Variants in HNRNPM observed in about 807,000 individuals in gnomAD.
The protein encoded by HNRNPM is CEA receptor.
A neutral mutation model predicts 73.1 loss-of-function variants in HNRNPM; 11 were observed. That is an observed-to-expected ratio of 0.15 (90% CI 0.09 to 0.25). The LOEUF is 0.25. Ranked by LOEUF, HNRNPM falls within the 10% of genes least tolerant of loss-of-function variation. The pLI is 1.00. For synonymous variants in HNRNPM, 407 were observed against 355.2 expected (o/e 1.15, Z -1.64); for missense variants, 789 against 1,067.9 (o/e 0.74, Z 3.64).
In HNRNPM at chr19:8,466,359, A is replaced by C. The variant is rs1969743326; in HGVS notation, c.755A>C (p.Glu252Ala). 1 of 1,614,032 alleles carries C rather than the reference A, an allele frequency of 6.2e-7. No individual in the cohort carries two copies. Among genetic ancestry groups the C allele is most frequent in the Non-Finnish European group, 8.5e-7 (1 of 1,180,008 alleles). ...CGTGGAATAGGCACTGTTACTTTTGAACAGTCCATTGAAGCTGTGCAAGCT... is the reference window on the plus strand; with the variant it reads ...CGTGGAATAGGCACTGTTACTTTTGCACAGTCCATTGAAGCTGTGCAAGCT... Reference protein sequence around the residue: ...KSRGIGTVTFEQSIEAVQAIS... With the variant: ...KSRGIGTVTFAQSIEAVQAIS... Residue 252 changes from glutamate to alanine, a missense_variant, in exon 7 of 16, where the codon GAA becomes GCA. Physicochemically the swap from Glu to Ala is moderately radical, Grantham distance 107. Transcript: ENST00000325495.
At chr19:8,458,391 A>G (rs528342617) in intron 2 of HNRNPM, among the ~76,000 whole-genome samples, 3 of 152,332 alleles carry the variant, frequency 2.0e-5, no homozygotes, top group Non-Finnish European at 4.4e-5. Flanking sequence ...GACTGGGTGG[A>G]AAAAATAAAG....
In HNRNPM at chr19:8,463,594, G is replaced by A. The variant is rs1177841893; in HGVS notation, c.346G>A (p.Val116Ile). 6.2e-7 allele frequency: 1 copy of A among 1,613,718 alleles called. No individual in the cohort carries two copies. ...ACTCGTTTCCTTTTGACTCTATAGT[G>A]TTGTTGAATTCAAGATGGAAGAGAG... The part of the protein sequence containing the change: ...DAEGKSRGCA[V>I]VEFKMEESMK... The change falls in exon 5 of 16, where the codon GTT becomes ATT. Residue 116 changes from valine (V) to isoleucine (I), a missense_variant and splice_region_variant. Coordinates refer to ENST00000325495, the MANE Select transcript of HNRNPM (RefSeq NM_005968.5).
chr19:8,447,515 A>C (rs1968287031), intron 1 of HNRNPM, among the ~76,000 whole-genome samples: 1 of 151,890 alleles, frequency 6.6e-6, no homozygotes, highest in Non-Finnish European at 1.5e-5. Flanking sequence ...GTGGAAGTGG[A>C]GGAGAAGAAG....
intron 12 of HNRNPM, among the ~76,000 whole-genome samples, chr19:8,480,195 G>A (rs1970811432): frequency 6.8e-6 from 1 of 147,944 alleles, no homozygotes; most frequent in Non-Finnish European, 1.5e-5. Context: ...GGCCAATGTG[G>A]TGAAACCCCG....
chr19:8,445,842 T>A (rs1467544852), intron 1 of HNRNPM, among the ~76,000 whole-genome samples: 1 of 152,236 alleles, frequency 6.6e-6, no homozygotes, highest in African/African-American at 2.4e-5. Context: ...AGCAGACAGA[T>A]ACGAAGTCGG....
rs1312663938 is a variant in HNRNPM at position 8,445,129 on chromosome 19, C to T, written c.113+18C>T. 2.2e-6 allele frequency: 3 copies of T among 1,386,100 alleles called. No homozygotes were observed. Among genetic ancestry groups the T allele is most frequent in the Non-Finnish European group, 2.8e-6 (3 of 1,066,770 alleles). 85.9% of individuals were successfully genotyped at this position (1,386,100 alleles called of 1,614,324 possible). On this transcript the variant is annotated intron_variant, in intron 1 of 15. Coordinates refer to ENST00000325495, the MANE Select transcript of HNRNPM (RefSeq NM_005968.5). The stretch of plus-strand genomic sequence containing the variant: ...CCTAAGGGGTGAGTATCCCACGGTC[C>T]TTTGCCACGGGTAAGGGTTCCTCTC...
At chr19:8,461,544 G>C (rs546890505) in intron 2 of HNRNPM, among the ~76,000 whole-genome samples, 1 of 152,182 alleles carries the variant, frequency 6.6e-6, no homozygotes, top group East Asian at 1.9e-4. Flanking sequence ...CCATTTTGGT[G>C]GTTGTCTTGA....
chr19:8,464,431 C>G (rs141105126), intron 5 of HNRNPM, among the ~76,000 whole-genome samples: 4 of 152,082 alleles, frequency 2.6e-5, no homozygotes, highest in African/African-American at 9.6e-5. Flanking sequence ...GTCATGAGTT[C>G]AAGACCAGCT....
At chr19:8,486,771 C>T (rs1287177344) in intron 14 of HNRNPM, among the ~76,000 whole-genome samples, 3 of 152,246 alleles carry the variant, frequency 2.0e-5, no homozygotes, top group African/African-American at 7.2e-5. Flanking sequence ...CTGTGGGCTG[C>T]GCACCGCAGG....
At position 8,465,521 on chromosome 19, in the gene HNRNPM, TAA is replaced by T. The variant is rs1969684589; in HGVS notation, c.630+8_630+9del. On this transcript the variant is annotated splice_region_variant and intron_variant, in intron 6 of 15. Coordinates refer to ENST00000325495, the MANE Select transcript of HNRNPM (RefSeq NM_005968.5). ...GCACAGTATTTGTAGCAAATGTAAG[TAA>T]ACAGAACCATCGTCTAAAGTAGAAA... is the stretch of plus-strand genomic sequence containing the variant. The T allele has an allele frequency of 1.3e-6, 2 of 1,575,538 alleles. No individual in the cohort carries two copies. The highest frequency in any genetic ancestry group is 4.5e-5 in the East Asian group (2 of 44,054).
intron 1 of HNRNPM, among the ~76,000 whole-genome samples, chr19:8,454,652 A>G (rs959861454): frequency 1.0e-4 from 14 of 136,468 alleles, no homozygotes; most frequent in Admixed American, 4.0e-4. Flanking sequence ...TAACTTTTCC[A>G]TGGCGGCTGC....
At chr19:8,456,029 G>T (rs745724334) in intron 2 of HNRNPM, among the ~76,000 whole-genome samples, 2 of 149,312 alleles carry the variant, frequency 1.3e-5, no homozygotes, top group Non-Finnish European at 3.0e-5. Flanking sequence ...GGATCAAAAT[G>T]TGGTAGCTGG....
At chr19:8,475,227 A>G (rs1341300856) in intron 12 of HNRNPM, among the ~76,000 whole-genome samples, 2 of 152,200 alleles carry the variant, frequency 1.3e-5, no homozygotes, top group East Asian at 1.9e-4. Flanking sequence ...CTGGCACTTC[A>G]TCATGTGGGA....
At chr19:8,454,673 G>GCCCC (rs58635160) in intron 1 of HNRNPM, among the ~76,000 whole-genome samples, 20 of 103,030 alleles carry the variant, frequency 1.9e-4, no homozygotes, top group East Asian at 1.5e-3. Context: ...ATCATTTTAT[G>GCCCC]CCCCCCCCCC....
rs577655233 is a variant in HNRNPM at position 8,471,025 on chromosome 19, G to C, written c.896-301G>C. Among the ~76,000 whole-genome samples the C allele has an allele frequency of 4.2e-3, 633 of 152,312 alleles. 6 individuals are homozygous for C. The highest frequency in any genetic ancestry group is 6.9e-3 in the Non-Finnish European group (469 of 68,026). ...TTGAGTCACCTTTTTTGATCAGACA[G>C]TTCTCAGTCCATGGGTTAGTGAAAC... On this transcript the variant is annotated intron_variant, in intron 9 of 15. Coordinates refer to ENST00000325495, the MANE Select transcript of HNRNPM (RefSeq NM_005968.5).
At chr19:8,464,160 A>C (rs905911754) in intron 5 of HNRNPM, among the ~76,000 whole-genome samples, 5 of 151,698 alleles carry the variant, frequency 3.3e-5, no homozygotes, top group Non-Finnish European at 7.4e-5. Flanking sequence ...CAGGAGGATC[A>C]TTTGAGCCCA....
chr19:8,458,341 C>T lies in HNRNPM; in HGVS notation c.283+2767C>T, dbSNP rs139794226. On this transcript the variant is annotated intron_variant, in intron 2 of 15. Transcript: ENST00000325495. ...CACAGCTCCCCAGGTTGTATCCTGA[C>T]AGGTAAAGGGATACACATCTTAAAG... 6.6e-5 allele frequency among the ~76,000 whole-genome samples: 10 copies of T among 152,308 alleles called. No individual in the cohort carries two copies. In the East Asian group the frequency reaches 1.9e-3, roughly 29 times the overall value.
chr19:8,466,686 C>T (rs552094536), intron 7 of HNRNPM, among the ~76,000 whole-genome samples: 8 of 151,974 alleles, frequency 5.3e-5, no homozygotes, highest in South Asian at 4.2e-4. Context: ...ATTAGCTGGG[C>T]GCAGTGGTGG....
intron 12 of HNRNPM, among the ~76,000 whole-genome samples, chr19:8,476,566 T>TAA (rs746842195): frequency 0.15 from 5,890 of 38,940 alleles, 261 homozygotes; most frequent in South Asian, 0.38. Flanking sequence ...AGATTAATGT[T>TAA]AAAAAAAAAA....
Sources: gnomAD v4.1 joint callset for allele counts (sites outside exome capture counted in the v4.1 genomes callset) on GRCh38, gnomAD v4.1.1 for gene constraint, MANE v1.5 for transcripts, NCBI Gene and HGNC (gene_info 2026-07-23, HGNC 2026-07-21) for gene names.